Variants in CIAO2B observed in about 807,000 individuals in gnomAD.
CIAO2B encodes the protein cytosolic iron-sulfur assembly component 2B, also known as MSS19-interacting protein of 18 kDa.
CIAO2B carries 20 observed loss-of-function variants against 16.4 expected under a neutral mutation model. That is an observed-to-expected ratio of 1.22 (90% CI 0.86 to 1.77). The LOEUF (loss-of-function observed/expected upper bound fraction) is 1.77. Among genes scored for constraint, CIAO2B ranks in the 40% most tolerant of loss-of-function variants. CIAO2B has a pLI of 0.00. For missense variants in CIAO2B, 215 were observed against 222.4 expected (o/e 0.97, Z 0.21); for synonymous variants, 106 against 90.4 (o/e 1.17, Z -0.98).
At chr16:66,933,141 AC>A (rs1410573042) in intron 3 of CIAO2B, among the ~76,000 whole-genome samples, 1 of 151,866 alleles carries the variant, frequency 6.6e-6, no homozygotes, top group Admixed American at 6.6e-5. Flanking sequence ...GGCACACACC[AC>A]CACGCCCCAC....
At position 66,934,022 on chromosome 16, in the gene CIAO2B, C is replaced by T. The variant is rs1315447639; in HGVS notation, c.187G>A (p.Glu63Lys). 3.1e-6 allele frequency: 5 copies of T among 1,613,814 alleles called. No homozygotes were observed. Among genetic ancestry groups the T allele is most frequent in the Non-Finnish European group, 4.2e-6 (5 of 1,179,868 alleles). ...INDPEHPLTL[E>K]ELNVVEQVRV... ...ACCTGCTCTACTACGTTCAACTCCT[C>T]TAGCGTCAGTGGATGCTCCGGGTCA... The change falls in exon 2 of 5, where the codon GAG (glutamate) becomes AAG (lysine). Residue 63 changes from glutamate to lysine, a missense_variant. Physicochemically the swap from Glu to Lys is moderately conservative, Grantham distance 56. Transcript: ENST00000422424. The surrounding 1 kb of genome is among the most constrained non-coding windows in gnomAD (Gnocchi z 4.1).
intron 3 of CIAO2B, among the ~76,000 whole-genome samples, 167 bp from the exon 4 acceptor site, chr16:66,932,992 C>A (rs1963089011): frequency 6.8e-6 from 1 of 147,900 alleles, no homozygotes; most frequent in Admixed American, 6.8e-5. Flanking sequence ...TATTCCAATT[C>A]TTTTTTTTTT....
chr16:66,932,092 A>G lies in CIAO2B; in HGVS notation c.*111T>C. On this transcript the variant is annotated 3_prime_UTR_variant, in exon 5 of 5. Coordinates refer to ENST00000422424, the MANE Select transcript of CIAO2B (RefSeq NM_016062.4). ...AATATAAATTAACTTTATTACAAAAAGCAAAATGTTAGTTTCTCATTGTGA... is the reference window on the plus strand; with the variant it reads ...AATATAAATTAACTTTATTACAAAAGGCAAAATGTTAGTTTCTCATTGTGA... 1.3e-6 allele frequency: 1 copy of G among 750,186 alleles called. No individual in the cohort carries two copies. The highest frequency in any genetic ancestry group is 2.1e-6 in the Non-Finnish European group (1 of 474,960). 46.5% of individuals were successfully genotyped at this position (750,186 alleles called of 1,614,324 possible).
In CIAO2B at chr16:66,933,888, T is replaced by C. The variant is rs1299966892; in HGVS notation, c.222+99A>G. On this transcript the variant is annotated intron_variant, in intron 2 of 4. Coordinates refer to ENST00000422424, the MANE Select transcript of CIAO2B (RefSeq NM_016062.4). ...GCACAACAATCTCCCTCCCCAAAGA[T>C]ACCCTTCGGTGTTCGTGAGCATAGA... 14 of 1,557,718 alleles carry C rather than the reference T, an allele frequency of 9.0e-6. No homozygotes were observed. In the Admixed American group the frequency reaches 1.2e-4, roughly 13 times the overall value.
In CIAO2B at chr16:66,934,115, C is replaced by A; in HGVS notation, c.143-49G>T. Reference sequence around the variant, plus strand: ...TCTGCGCCCTTGCCCACTTAGAACCCTCTGCCAGGAACGCCCTGCTGGGAT... The same window carrying A: ...TCTGCGCCCTTGCCCACTTAGAACCATCTGCCAGGAACGCCCTGCTGGGAT... On this transcript the variant is annotated intron_variant, in intron 1 of 4. Transcript: ENST00000422424. The surrounding 1 kb of genome is among the most constrained non-coding windows in gnomAD (Gnocchi z 4.1). 3.1e-6 allele frequency: 5 copies of A among 1,612,106 alleles called. No homozygotes were observed. The highest frequency in any genetic ancestry group is 4.2e-6 in the Non-Finnish European group (5 of 1,179,262).
intron 2 of CIAO2B, 96 bp downstream of exon 2, chr16:66,933,891 C>A: frequency 6.4e-7 from 1 of 1,561,812 alleles, no homozygotes; most frequent in South Asian, 1.2e-5. Flanking sequence ...CCAAAGATAC[C>A]CTTCGGTGTT....
In CIAO2B at chr16:66,933,963, T is replaced by C. The variant is rs773849609; in HGVS notation, c.222+24A>G. The stretch of plus-strand genomic sequence containing the variant: ...AACCTTTCTGACTCTCTGGAACAAC[T>C]CGCTCCCCTCGGAAGTGACTCACCT... On this transcript the variant is annotated intron_variant, in intron 2 of 4. Coordinates refer to ENST00000422424, the MANE Select transcript of CIAO2B (RefSeq NM_016062.4). 64 of 1,612,656 alleles carry C rather than the reference T, an allele frequency of 4.0e-5. No individual in the cohort carries two copies. The East Asian group carries it at 1.4e-3, about 35-fold the overall frequency.
intron 3 of CIAO2B, chr16:66,933,327 C>T: frequency 2.4e-6 from 1 of 422,804 alleles, no homozygotes; most frequent in Non-Finnish European, 4.3e-6. Context: ...TGGCCCACTA[C>T]TGTTGATTTA....
chr16:66,933,039 G>C (rs1963090044), intron 3 of CIAO2B, among the ~76,000 whole-genome samples: 1 of 151,810 alleles, frequency 6.6e-6, no homozygotes, highest in South Asian at 2.1e-4. Flanking sequence ...CCAGGCTGGA[G>C]TGCAGCAGCG....
At chr16:66,933,792 T>C (rs1300084005) in intron 2 of CIAO2B, 53 bp from the exon 3 acceptor site, 1 of 1,545,682 alleles carries the variant, frequency 6.5e-7, no homozygotes, top group East Asian at 2.4e-5. Context: ...CCAAGGTCCC[T>C]CTTCTTAGTT....
In CIAO2B at chr16:66,934,347, C is replaced by G; in HGVS notation, c.18G>C (p.Gly6=). The G allele has an allele frequency of 6.4e-7, 1 of 1,568,726 alleles. No individual in the cohort carries two copies. The highest frequency in any genetic ancestry group is 8.6e-7 in the Non-Finnish European group (1 of 1,164,128). Residue 6 remains glycine, a synonymous_variant, in exon 1 of 5, where the codon GGG becomes GGC. Coordinates refer to ENST00000422424, the MANE Select transcript of CIAO2B (RefSeq NM_016062.4). The surrounding 1 kb of genome is among the most constrained non-coding windows in gnomAD (Gnocchi z 4.1). ...CATTCTCCAGGAGGCCGCCGCCGACCCCGCCGCCGCCTACCATCGCGGAAC... is the reference window on the plus strand; with the variant it reads ...CATTCTCCAGGAGGCCGCCGCCGACGCCGCCGCCGCCTACCATCGCGGAAC... MVGGG[G]VGGGLLENAN... is the part of the protein sequence containing the mutation.
chr16:66,933,634 A>T lies in CIAO2B; in HGVS notation c.328T>A (p.Ser110Thr). 1 of 1,609,352 alleles carries T rather than the reference A, an allele frequency of 6.2e-7. No individual in the cohort carries two copies. Among genetic ancestry groups the T allele is most frequent in the Non-Finnish European group, 8.5e-7 (1 of 1,177,942 alleles). Residue 110 changes from serine to threonine, a missense_variant, in exon 3 of 5, where the codon TCC becomes ACC. Physicochemically the swap from Ser to Thr is moderately conservative, Grantham distance 58 (BLOSUM62 1). Coordinates refer to ENST00000422424, the MANE Select transcript of CIAO2B (RefSeq NM_016062.4). ...CTGACCTTGAAACGCTGAGGAAGGG[A>T]GCGCAGAAGCTTGACCTTGATGGAC... ...GLSIKVKLLR[S>T]LPQRFKMDVH...
intron 2 of CIAO2B, 57 bp from the exon 3 acceptor site, chr16:66,933,796 C>T (rs1963118811): frequency 6.5e-7 from 1 of 1,545,582 alleles, no homozygotes; most frequent in Admixed American, 2.0e-5. Context: ...GGTCCCTCTT[C>T]TTAGTTTGTT....
At chr16:66,933,045 C>T (rs987704316) in intron 3 of CIAO2B, among the ~76,000 whole-genome samples, 4 of 151,816 alleles carry the variant, frequency 2.6e-5, no homozygotes, top group African/African-American at 7.3e-5. Flanking sequence ...TGGAGTGCAG[C>T]AGCGCAATCT....
Position 66,933,690 on chromosome 16 carries a change from G to C in CIAO2B, c.272C>G (p.Pro91Arg). 6.3e-7 allele frequency: 1 copy of C among 1,591,038 alleles called. No individual in the cohort carries two copies. The highest frequency in any genetic ancestry group is 1.1e-5 in the South Asian group (1 of 87,600). Reference sequence around the variant, plus strand: ...AATAAGGGTGGCCATGCTGCAGTGCGGAATGGTTGGTGTGAAAGCCACAGC... The same window carrying C: ...AATAAGGGTGGCCATGCTGCAGTGCCGAATGGTTGGTGTGAAAGCCACAGC... ...TVAVAFTPTIPHCSMATLIGL... is the reference protein window; with the variant it reads ...TVAVAFTPTIRHCSMATLIGL... The change falls in exon 3 of 5, where the codon CCG (proline) becomes CGG (arginine). Residue 91 changes from proline to arginine, a missense_variant. By Grantham distance (103) the Pro-to-Arg change is moderately radical (BLOSUM62 -2). Transcript: ENST00000422424.
chr16:66,934,266 C>T lies in CIAO2B; in HGVS notation c.99G>A (p.Glu33=). 1 of 1,609,052 alleles carries T rather than the reference C, an allele frequency of 6.2e-7. No individual in the cohort carries two copies. The highest frequency in any genetic ancestry group is 1.1e-5 in the South Asian group (1 of 91,024). Reference sequence around the variant, plus strand: ...CGATGCTGTCGGGAACCTGCTCGTCCTCCTCGCCTGCCGTCACAGGCCGCT... The same window carrying T: ...CGATGCTGTCGGGAACCTGCTCGTCTTCCTCGCCTGCCGTCACAGGCCGCT... ...SGERPVTAGE[E]DEQVPDSIDA... The change falls in exon 1 of 5, where the codon GAG becomes GAA. Residue 33 remains glutamate (E), a synonymous_variant. Coordinates refer to ENST00000422424, the MANE Select transcript of CIAO2B (RefSeq NM_016062.4). The surrounding 1 kb of genome is among the most constrained non-coding windows in gnomAD (Gnocchi z 4.1).
chr16:66,932,644 A>G, intron 4 of CIAO2B, 136 bp downstream of exon 4: 3 of 1,038,400 alleles, frequency 2.9e-6, no homozygotes, highest in Non-Finnish European at 2.9e-6. Context: ...TATAACCCAT[A>G]CTGAGGAGTC....
In CIAO2B at chr16:66,932,460, A is replaced by G. The variant is rs976814279; in HGVS notation, c.395-160T>C. On this transcript the variant is annotated intron_variant, in intron 4 of 4. Coordinates refer to ENST00000422424, the MANE Select transcript of CIAO2B (RefSeq NM_016062.4). ...CAGGACCCCACATATTGATCAGGCTACTTCAACCACCTGAGCCCACCTAAT... is the reference window on the plus strand; with the variant it reads ...CAGGACCCCACATATTGATCAGGCTGCTTCAACCACCTGAGCCCACCTAAT... 13 of 737,344 alleles carry G rather than the reference A, an allele frequency of 1.8e-5. 1 individual carries two copies. The Middle Eastern group carries it at 1.1e-3, about 64-fold the overall frequency. The allele number at this position is 737,344 out of a possible 1,614,324, so 45.7% of individuals were successfully genotyped here.
rs1180064705 is a variant in CIAO2B at position 66,934,369 on chromosome 16, G to A, written c.-5C>T. ...GACCCCGCCGCCGCCTACCATCGCG[G>A]AACCACCACCGCTGATCCTAGCAGG... On this transcript the variant is annotated 5_prime_UTR_variant, in exon 1 of 5. Coordinates refer to ENST00000422424, the MANE Select transcript of CIAO2B (RefSeq NM_016062.4). The surrounding 1 kb of genome is among the most constrained non-coding windows in gnomAD (Gnocchi z 4.1). 1.3e-6 allele frequency: 2 copies of A among 1,548,130 alleles called. No homozygotes were observed. The highest frequency in any genetic ancestry group is 1.9e-5 in the Admixed American group (1 of 51,544).
Sources: allele counts gnomAD v4.1 joint callset (sites outside exome capture counted in the v4.1 genomes callset), GRCh38; gene constraint gnomAD v4.1.1; non-coding constraint Gnocchi (gnomAD v3.1); transcripts MANE v1.5; gene names NCBI Gene and HGNC (gene_info 2026-07-23, HGNC 2026-07-21).